Variants in CATSPERE observed in about 807,000 individuals in gnomAD.
CATSPERE encodes the protein catsper channel auxiliary subunit epsilon, also known as cation channel sperm-associated auxiliary subunit epsilon.
In CATSPERE, 93 loss-of-function variants were observed where a neutral mutation model predicts 114.1. The observed-to-expected ratio is 0.81, with a 90% CI of 0.69 to 0.97. The LOEUF is 0.97. CATSPERE is among the 50% of genes least tolerant of loss of function. The probability of loss-of-function intolerance (pLI) is 0.00; values close to 1 mark genes in which losing one functional copy is unlikely to be tolerated. For missense variants in CATSPERE, 1,058 were observed against 1,131.6 expected (o/e 0.93, Z 0.93); for synonymous variants, 341 against 384.1 (o/e 0.89, Z 1.31).
chr1:244,456,144 T>C (rs1033674199), intron 1 of CATSPERE, among the ~76,000 whole-genome samples: 7 of 140,322 alleles, frequency 5.0e-5, no homozygotes, highest in African/African-American at 1.9e-4. Flanking sequence ...AATGGACTGA[T>C]TGGCTTTGGG....
At chr1:244,565,133 T>C (rs892563451) in intron 10 of CATSPERE, among the ~76,000 whole-genome samples, 1 of 152,238 alleles carries the variant, frequency 6.6e-6, no homozygotes, top group Non-Finnish European at 1.5e-5. Context: ...TTTAATGTGC[T>C]GCTGGATTTT....
intron 17 of CATSPERE, among the ~76,000 whole-genome samples, chr1:244,594,794 A>G (rs1400733395): frequency 6.6e-6 from 1 of 152,190 alleles, no homozygotes; most frequent in Non-Finnish European, 1.5e-5. Context: ...GGGATCCTGC[A>G]GGCCTCTGCC....
chr1:244,452,299 G>C (rs1159088396), upstream of CATSPERE, among the ~76,000 whole-genome samples: 1 of 152,276 alleles, frequency 6.6e-6, no homozygotes, highest in Non-Finnish European at 1.5e-5. Flanking sequence ...GGGCTGCGGC[G>C]GTGTATTCTG....
chr1:244,639,626 C>T (rs1390030737), intron 21 of CATSPERE, among the ~76,000 whole-genome samples: 1 of 150,862 alleles, frequency 6.6e-6, no homozygotes. Flanking sequence ...GGAGCCAGGG[C>T]TTCCAGTGAG....
intron 8 of CATSPERE, among the ~76,000 whole-genome samples, chr1:244,535,870 T>A (rs1680308316): frequency 6.6e-6 from 1 of 152,072 alleles, no homozygotes; most frequent in Admixed American, 6.6e-5. Flanking sequence ...CAGCTGGGAA[T>A]GTGCTGGGTC....
rs1665035451 is a variant in CATSPERE at position 244,575,051 on chromosome 1, G to C, written c.1950+2279G>C. On this transcript the variant is annotated intron_variant, in intron 11 of 21. Coordinates refer to ENST00000366534, the MANE Select transcript of CATSPERE (RefSeq NM_001130957.2). This position sits in a 1 kb window ranked among gnomAD's most constrained non-coding sequence, Gnocchi z 4.5. Reference sequence around the variant, plus strand: ...TCTATCTCTCTCTCTCATTTGCGCTGTCTCCCTCCTGAGTTCTCCCACTCT... The same window carrying C: ...TCTATCTCTCTCTCTCATTTGCGCTCTCTCCCTCCTGAGTTCTCCCACTCT... 6.6e-6 allele frequency among the ~76,000 whole-genome samples: 1 copy of C among 151,932 alleles called. No homozygotes were observed. The highest frequency in any genetic ancestry group is 1.5e-5 in the Non-Finnish European group (1 of 68,002).
chr1:244,453,479 G>C (rs1475068180), upstream of CATSPERE, among the ~76,000 whole-genome samples: 1 of 152,236 alleles, frequency 6.6e-6, no homozygotes, highest in East Asian at 1.9e-4. Flanking sequence ...CAGTGGACAA[G>C]GTGAACCCCT....
intron 8 of CATSPERE, among the ~76,000 whole-genome samples, chr1:244,547,819 A>T (rs1659994879): frequency 6.6e-6 from 1 of 152,252 alleles, no homozygotes; most frequent in South Asian, 2.1e-4. Context: ...GTAGAATTAC[A>T]TTGAATGTAA....
At chr1:244,589,601 CCTG>C (rs1667458264) in intron 14 of CATSPERE, among the ~76,000 whole-genome samples, 1 of 152,156 alleles carries the variant, frequency 6.6e-6, no homozygotes, top group African/African-American at 2.4e-5. Flanking sequence ...TCATCCCACA[CCTG>C]CTGAATCAAA....
At chr1:244,510,299 T>A (rs1350239220) in intron 7 of CATSPERE, among the ~76,000 whole-genome samples, 1 of 152,232 alleles carries the variant, frequency 6.6e-6, no homozygotes, top group Non-Finnish European at 1.5e-5. Flanking sequence ...AGGAATTTTT[T>A]AATATATTCT....
At chr1:244,574,119 C>A (rs762668687) in intron 11 of CATSPERE, among the ~76,000 whole-genome samples, 7 of 151,986 alleles carry the variant, frequency 4.6e-5, no homozygotes, top group Non-Finnish European at 5.9e-5. Context: ...CTGAACCTGA[C>A]GGGCTAATAA....
chr1:244,532,738 A>AT (rs1420693267), intron 8 of CATSPERE, among the ~76,000 whole-genome samples: 2 of 152,146 alleles, frequency 1.3e-5, no homozygotes, highest in African/African-American at 4.8e-5. Context: ...TCATATTTGA[A>AT]TTTTTTTAAT....
intron 20 of CATSPERE, among the ~76,000 whole-genome samples, chr1:244,624,618 T>C (rs1351503578): frequency 6.6e-6 from 1 of 151,826 alleles, no homozygotes; most frequent in African/African-American, 2.4e-5. Flanking sequence ...CTGGCCAACA[T>C]GGAGAAACCC....
intron 5 of CATSPERE, among the ~76,000 whole-genome samples, chr1:244,480,447 C>T (rs963223830): frequency 2.6e-5 from 4 of 152,120 alleles, no homozygotes; most frequent in African/African-American, 9.7e-5. Context: ...TCTTTGTATC[C>T]ACTTCACGTT....
intron 2 of CATSPERE, among the ~76,000 whole-genome samples, chr1:244,473,635 T>A (rs1159231171): frequency 1.3e-5 from 2 of 152,158 alleles, no homozygotes; most frequent in African/African-American, 4.8e-5. Context: ...CAACCTTTTT[T>A]TTTGATTTGT....
intron 1 of CATSPERE, among the ~76,000 whole-genome samples, chr1:244,456,029 A>G (rs1666129326): frequency 6.6e-6 from 1 of 152,126 alleles, no homozygotes. Flanking sequence ...GGCTCTTCGC[A>G]CACTTGGATC....
rs1665183800 is a variant in CATSPERE, at chr1:244,575,913, A to G, written c.1950+3141A>G. On this transcript the variant is annotated intron_variant, in intron 11 of 21. Coordinates refer to ENST00000366534, the MANE Select transcript of CATSPERE (RefSeq NM_001130957.2). This position sits in a 1 kb window ranked among gnomAD's most constrained non-coding sequence, Gnocchi z 4.5. Reference sequence around the variant, plus strand: ...TTCACCTCTTTTTAACCTCTAAGACACCCTAAGAAATACTTCACCGCCTCC... The same window carrying G: ...TTCACCTCTTTTTAACCTCTAAGACGCCCTAAGAAATACTTCACCGCCTCC... 6.6e-6 allele frequency among the ~76,000 whole-genome samples: 1 copy of G among 151,820 alleles called. No individual in the cohort carries two copies. Among genetic ancestry groups the G allele is most frequent in the African/African-American group, 2.4e-5 (1 of 41,336 alleles).
At chr1:244,498,500 A>G (rs992854967) in intron 6 of CATSPERE, among the ~76,000 whole-genome samples, 2 of 152,218 alleles carry the variant, frequency 1.3e-5, no homozygotes, top group African/African-American at 2.4e-5. Flanking sequence ...TTCTGCATCT[A>G]TTGAACTCTC....
chr1:244,603,662 AT>A lies in CATSPERE; in HGVS notation c.2304-2018del, dbSNP rs5782299. On this transcript the variant is annotated intron_variant, in intron 17 of 21. Transcript: ENST00000366534. Reference sequence around the variant, plus strand: ...AAGATGCCAGCTCAGTTCAATTAAGATTTTTTTTTTTTTTTAATAAAACATA... The same window carrying A: ...AAGATGCCAGCTCAGTTCAATTAAGATTTTTTTTTTTTTTAATAAAACATA... Among the ~76,000 whole-genome samples, 650 of 147,230 alleles carry A rather than the reference AT, an allele frequency of 4.4e-3. 4 individuals carry two copies. The highest frequency in any genetic ancestry group is 0.014 in the African/African-American group (570 of 40,014).
Sources: gnomAD v4.1 joint callset for allele counts (sites outside exome capture counted in the v4.1 genomes callset) on GRCh38, gnomAD v4.1.1 for gene constraint, Gnocchi (gnomAD v3.1) non-coding constraint, MANE v1.5 for transcripts, NCBI Gene and HGNC (gene_info 2026-07-23, HGNC 2026-07-21) for gene names.